Variants in IFT52 observed in about 807,000 individuals in gnomAD.
IFT52 encodes the protein intraflagellar transport 52.
IFT52 carries 44 observed loss-of-function variants against 54.4 expected under a neutral mutation model. That is an observed-to-expected ratio of 0.81 (90% confidence interval 0.63 to 1.04). The LOEUF (loss-of-function observed/expected upper bound fraction) is 1.04. Among genes scored for constraint, IFT52 ranks in the 50% least tolerant of loss-of-function variants. The pLI is 0.00. For synonymous variants in IFT52, 181 were observed against 185.3 expected (o/e 0.98, Z 0.19); for missense variants, 452 against 523.6 (o/e 0.86, Z 1.33).
intron 12 of IFT52, among the ~76,000 whole-genome samples, chr20:43,639,034 G>C (rs138315442): frequency 5.3e-5 from 8 of 152,156 alleles, no homozygotes; most frequent in Admixed American, 4.6e-4. Context: ...ATCACAGAAC[G>C]GTGAAGAAGC....
Position 43,603,766 on chromosome 20 carries a change from A to C in IFT52, c.214A>C (p.Ile72Leu), listed in dbSNP as rs757563071. 1.2e-6 allele frequency: 2 copies of C among 1,612,002 alleles called. No individual in the cohort carries two copies. Among genetic ancestry groups the C allele is most frequent in the Non-Finnish European group, 1.7e-6 (2 of 1,179,498 alleles). The change falls in exon 4 of 14, where the codon ATC becomes CTC. Residue 72 changes from isoleucine to leucine, a missense_variant. Physicochemically the swap from Ile to Leu is conservative, Grantham distance 5. Transcript: ENST00000373030. ...REKFTAAEFEILKKYLDTGGD... is the reference protein window; with the variant it reads ...REKFTAAEFELLKKYLDTGGD... The stretch of plus-strand genomic sequence containing the variant: ...GCTTTTTTCCTTTGTGTAGTTTGAA[A>C]TCCTGAAGAAATATCTTGACACTGG...
chr20:43,600,649 C>A (rs879265929), intron 3 of IFT52, among the ~76,000 whole-genome samples: 1 of 151,960 alleles, frequency 6.6e-6, no homozygotes, highest in African/African-American at 2.4e-5. Context: ...TATGTTAAAT[C>A]GTGCAAAAAA....
intron 3 of IFT52, among the ~76,000 whole-genome samples, chr20:43,599,633 G>C (rs117032525): frequency 1.2e-4 from 18 of 152,206 alleles, no homozygotes; most frequent in Non-Finnish European, 2.1e-4. Context: ...TGTCATTGCT[G>C]CTGGCCTCCT....
At chr20:43,595,180 T>A (rs1981840911) in intron 2 of IFT52, among the ~76,000 whole-genome samples, 1 of 151,280 alleles carries the variant, frequency 6.6e-6, no homozygotes, top group African/African-American at 2.4e-5. Context: ...TAGCGAAGTG[T>A]GGTGGTGGGC....
In IFT52 at chr20:43,638,399, C is replaced by T. The variant is rs7271803; in HGVS notation, c.1120+1146C>T. On this transcript the variant is annotated intron_variant, in intron 12 of 13. Transcript: ENST00000373030. ...AGAGATGGGGTTTTACCATGTTGGCCAAGCTGGTCTAAAACTCCAGACCTC... is the reference window on the plus strand; with the variant it reads ...AGAGATGGGGTTTTACCATGTTGGCTAAGCTGGTCTAAAACTCCAGACCTC... Among the ~76,000 whole-genome samples, 697 of 152,182 alleles carry T rather than the reference C, an allele frequency of 4.6e-3. 4 individuals are homozygous for T. The highest frequency in any genetic ancestry group is 0.016 in the African/African-American group (660 of 41,542).
At chr20:43,606,979 A>G (rs1982946199) in intron 6 of IFT52, among the ~76,000 whole-genome samples, 1 of 152,170 alleles carries the variant, frequency 6.6e-6, no homozygotes. Context: ...TCCCGTGTCT[A>G]CTTCTTTCTA....
chr20:43,627,561 A>T (rs1984819968), intron 10 of IFT52, among the ~76,000 whole-genome samples: 1 of 152,212 alleles, frequency 6.6e-6, no homozygotes, highest in Non-Finnish European at 1.5e-5. Flanking sequence ...TGGAGGAAGT[A>T]AGGTCAAGAA....
intron 11 of IFT52, 92 bp downstream of exon 11, chr20:43,636,105 C>T (rs1327080988): frequency 2.6e-6 from 3 of 1,164,702 alleles, no homozygotes; most frequent in Non-Finnish European, 3.8e-6. Flanking sequence ...TTCCATGTGC[C>T]ATTTGTGGCA....
chr20:43,639,378 A>C (rs1048414399), intron 12 of IFT52, among the ~76,000 whole-genome samples: 5 of 151,340 alleles, frequency 3.3e-5, no homozygotes, highest in Admixed American at 1.3e-4. Context: ...TCTCAAAAAA[A>C]CAAAAAAAAA....
At chr20:43,631,430 T>C (rs1259359240) in intron 10 of IFT52, among the ~76,000 whole-genome samples, 34 of 152,198 alleles carry the variant, frequency 2.2e-4, no homozygotes. Flanking sequence ...TAATCGTCTT[T>C]CTGCAGTCAC....
chr20:43,608,696 G>C (rs1983173740), intron 6 of IFT52, among the ~76,000 whole-genome samples: 1 of 151,970 alleles, frequency 6.6e-6, no homozygotes, highest in Non-Finnish European at 1.5e-5. Context: ...CTTGAGCTCA[G>C]GAGTTCAAGA....
intron 3 of IFT52, among the ~76,000 whole-genome samples, chr20:43,602,455 C>T (rs1290541813): frequency 6.6e-6 from 1 of 151,774 alleles, no homozygotes; most frequent in Non-Finnish European, 1.5e-5. Flanking sequence ...AGCCACTGCA[C>T]CCCGCCTTAA....
At chr20:43,633,483 G>A (rs1412982866) in intron 10 of IFT52, among the ~76,000 whole-genome samples, 2 of 152,108 alleles carry the variant, frequency 1.3e-5, no homozygotes, top group African/African-American at 4.8e-5. Context: ...GCTGAGGCGG[G>A]TGGATCACGA....
intron 9 of IFT52, 90 bp downstream of exon 9, chr20:43,621,015 G>C: frequency 1.1e-6 from 1 of 890,514 alleles, no homozygotes; most frequent in South Asian, 1.5e-5. Flanking sequence ...ATACATGACT[G>C]TCTTAACTCA....
At chr20:43,596,641 C>T (rs1156232076) in intron 3 of IFT52, 119 bp downstream of exon 3, 10 of 670,632 alleles carry the variant, frequency 1.5e-5, no homozygotes, top group Non-Finnish European at 1.1e-5. Flanking sequence ...GTCACTTCAT[C>T]TCTCTTTTCA....
intron 10 of IFT52, among the ~76,000 whole-genome samples, chr20:43,634,329 T>C (rs553696944): frequency 1.6e-4 from 25 of 152,152 alleles, no homozygotes; most frequent in Non-Finnish European, 2.8e-4. Flanking sequence ...GGAATTAATA[T>C]AGGTATTATT....
chr20:43,641,852 G>A (rs1265481954), intron 12 of IFT52, among the ~76,000 whole-genome samples: 1 of 151,306 alleles, frequency 6.6e-6, no homozygotes, highest in East Asian at 1.9e-4. Flanking sequence ...GGAGTGCAGT[G>A]GCGCAATCTC....
At chr20:43,597,881 A>C (rs1195154307) in intron 3 of IFT52, among the ~76,000 whole-genome samples, 2 of 121,478 alleles carry the variant, frequency 1.6e-5, no homozygotes, top group East Asian at 5.0e-4. Context: ...CAACAGAGTG[A>C]GACTCTTTCA....
chr20:43,622,655 A>T (rs972116474), intron 9 of IFT52, among the ~76,000 whole-genome samples: 47 of 147,632 alleles, frequency 3.2e-4, no homozygotes, highest in African/African-American at 1.1e-3. Context: ...ATTTATATAT[A>T]TTTTATATGT....
Sources: allele counts gnomAD v4.1 joint callset (sites outside exome capture counted in the v4.1 genomes callset), GRCh38; gene constraint gnomAD v4.1.1; transcripts MANE v1.5; gene names NCBI Gene and HGNC (gene_info 2026-07-23, HGNC 2026-07-21).